CEP350: variants seen among roughly 807,000 people sequenced by gnomAD.
CEP350 encodes centrosomal protein 350.
CEP350 carries 126 observed loss-of-function variants against 331.8 expected under a neutral mutation model. The observed-to-expected ratio is 0.38, with a 90% CI of 0.33 to 0.44. The LOEUF (loss-of-function observed/expected upper bound fraction) is 0.44, where lower values mean the gene tolerates loss of function less well. Among genes scored for constraint, CEP350 ranks in the 20% least tolerant of loss-of-function variants. CEP350 has a pLI of 1.00. For synonymous variants in CEP350, 1,200 were observed against 1,259.5 expected, an observed-to-expected ratio of 0.95 and a Z score of 1.00; for missense variants, 3,406 against 3,634.6, an observed-to-expected ratio of 0.94 and a Z score of 1.62.
chr1:180,015,624 A>G (rs73032397), intron 10 of CEP350, among the ~76,000 whole-genome samples: 21,426 of 151,896 alleles, frequency 0.14, 1,600 homozygotes, highest in African/African-American at 0.17. Context: ...TCCCACTTTG[A>G]CCTCTCAAAG....
In CEP350 at chr1:180,024,450, A is replaced by T; in HGVS notation, c.3418A>T (p.Asn1140Tyr). The T allele has an allele frequency of 6.2e-7, 1 of 1,612,734 alleles. No individual in the cohort carries two copies. Among genetic ancestry groups the T allele is most frequent in the Non-Finnish European group, 8.5e-7 (1 of 1,179,292 alleles). Residue 1140 changes from asparagine (N) to tyrosine (Y), a missense_variant, in exon 14 of 38, where the codon AAC becomes TAC. By Grantham distance (143) the Asn-to-Tyr change is moderately radical (BLOSUM62 -2). Around this residue, in one of 5 missense-constraint regions of CEP350, gnomAD observed 1,857 missense variants for 1,909.2 expected, o/e 0.97. Transcript: ENST00000367607. Reference protein sequence around the residue: ...STLSPQEDHSNRKSAYDPSSV... With the variant: ...STLSPQEDHSYRKSAYDPSSV... ...TTTAAGCCCTCAGGAGGACCATTCT[A>T]ACAGAAAGTCTGCCTATGATCCTTC...
intron 14 of CEP350, among the ~76,000 whole-genome samples, chr1:180,029,332 T>C (rs1007755738): frequency 3.3e-5 from 5 of 152,220 alleles, no homozygotes; most frequent in African/African-American, 9.6e-5. Flanking sequence ...TGTGTATTTA[T>C]TGTCAACAAA....
At chr1:179,974,371 T>G (rs925091389) in intron 1 of CEP350, among the ~76,000 whole-genome samples, 6 of 152,174 alleles carry the variant, frequency 3.9e-5, no homozygotes, top group African/African-American at 1.4e-4. Flanking sequence ...TGAGCCACTG[T>G]GCCTGGCCTA....
intron 1 of CEP350, among the ~76,000 whole-genome samples, chr1:179,981,256 CA>C (rs1315807145): frequency 2.6e-5 from 4 of 152,064 alleles, no homozygotes; most frequent in Admixed American, 2.0e-4. Flanking sequence ...AGATAATACA[CA>C]AATGTCCAAC....
intron 13 of CEP350, among the ~76,000 whole-genome samples, chr1:180,023,479 C>T (rs1045795314): frequency 6.6e-6 from 1 of 151,968 alleles, no homozygotes; most frequent in Non-Finnish European, 1.5e-5. Context: ...CTCCATGGTT[C>T]CAAGTAATAA....
At chr1:180,009,889 C>T (rs1282708117) in intron 8 of CEP350, among the ~76,000 whole-genome samples, 3 of 151,928 alleles carry the variant, frequency 2.0e-5, no homozygotes, top group African/African-American at 7.3e-5. Flanking sequence ...ATGATACTTC[C>T]GTTTAAACTT....
chr1:179,961,158 C>T (rs1483085673), intron 1 of CEP350, among the ~76,000 whole-genome samples: 2 of 151,914 alleles, frequency 1.3e-5, no homozygotes, highest in Non-Finnish European at 2.9e-5. Context: ...CTTTAAACAG[C>T]CTCATGGCCA....
Position 180,031,295 on chromosome 1 carries a change from G to A in CEP350, c.3551-25G>A, listed in dbSNP as rs1571894140. ...CAATAACTTCTAATATTGGGAATCAGCTTTATAAGAAATTTACTTTACAGG... is the reference window on the plus strand; with the variant it reads ...CAATAACTTCTAATATTGGGAATCAACTTTATAAGAAATTTACTTTACAGG... On this transcript the variant is annotated intron_variant, in intron 14 of 37. Coordinates refer to ENST00000367607, the MANE Select transcript of CEP350 (RefSeq NM_014810.5). 3 of 1,459,664 alleles carry A rather than the reference G, an allele frequency of 2.1e-6. No individual in the cohort carries two copies. The East Asian group carries it at 7.2e-5, about 35-fold the overall frequency. 90.4% of individuals were successfully genotyped at this position (1,459,664 alleles called of 1,614,324 possible). A position where few individuals can be genotyped will look rare whatever the true frequency, so the allele number is the denominator to read the frequency against.
rs748836655 is a variant in CEP350 at position 180,020,923 on chromosome 1, G to A, written c.3149G>A (p.Ser1050Asn). The A allele has an allele frequency of 6.2e-7, 1 of 1,609,206 alleles. No individual in the cohort carries two copies. Among genetic ancestry groups the A allele is most frequent in the South Asian group, 1.1e-5 (1 of 90,378 alleles). Residue 1050 changes from serine (S) to asparagine (N), a missense_variant, in exon 12 of 38, where the codon AGC becomes AAC. Coordinates refer to ENST00000367607, the MANE Select transcript of CEP350 (RefSeq NM_014810.5). ...TTTGGGCACATAGGTGGTACACAAA[G>A]CAAAGGACCATGGGAAGAATTGGCA... is the stretch of plus-strand genomic sequence containing the variant. ...PLFGHIGGTQ[S>N]KGPWEELAKG...
intron 29 of CEP350, 61 bp downstream of exon 29, chr1:180,078,735 A>G (rs1571967358): frequency 2.9e-6 from 4 of 1,380,002 alleles, no homozygotes; most frequent in Non-Finnish European, 3.0e-6. Context: ...AAGGTATGTT[A>G]GCAGTTATAT....
chr1:180,107,650 A>C (rs575009748), intron 37 of CEP350, among the ~76,000 whole-genome samples: 4 of 152,356 alleles, frequency 2.6e-5, no homozygotes, highest in Non-Finnish European at 4.4e-5. Context: ...CCTGGGTGAC[A>C]GAGCGAGACT....
chr1:179,973,263 C>G (rs1386591837), intron 1 of CEP350, among the ~76,000 whole-genome samples: 1 of 152,230 alleles, frequency 6.6e-6, no homozygotes, highest in Non-Finnish European at 1.5e-5. Context: ...TGCAAATAAT[C>G]TATGTACATC....
chr1:180,044,848 AAG>A (rs929254296), intron 21 of CEP350, among the ~76,000 whole-genome samples: 1 of 151,652 alleles, frequency 6.6e-6, no homozygotes, highest in African/African-American at 2.4e-5. Context: ...TTTAAAAAAA[AAG>A]AATAATTAAA....
At chr1:179,969,329 G>C (rs1651257874) in intron 1 of CEP350, 2 of 509,306 alleles carry the variant, frequency 3.9e-6, no homozygotes, top group Admixed American at 2.0e-5. Context: ...TGAATGGACT[G>C]TGTCAGCTCT....
intron 22 of CEP350, among the ~76,000 whole-genome samples, chr1:180,049,785 G>A (rs1298021953): frequency 1.3e-5 from 2 of 152,044 alleles, no homozygotes; most frequent in East Asian, 1.9e-4. Flanking sequence ...CTCGTGATCC[G>A]CCTGCCTTGG....
At chr1:180,102,897 C>T (rs528553963) in intron 37 of CEP350, among the ~76,000 whole-genome samples, 38 of 152,314 alleles carry the variant, frequency 2.5e-4, no homozygotes, top group African/African-American at 8.7e-4. Context: ...ACCCAGGGTT[C>T]GTCGTCTCGA....
At chr1:179,988,789 T>C (rs1156420647) in intron 3 of CEP350, among the ~76,000 whole-genome samples, 2 of 152,188 alleles carry the variant, frequency 1.3e-5, no homozygotes, top group Non-Finnish European at 2.9e-5. Context: ...AGTGATATTT[T>C]CTGTCCTCTA....
chr1:180,049,226 G>A (rs952081705), intron 22 of CEP350, among the ~76,000 whole-genome samples: 2 of 152,092 alleles, frequency 1.3e-5, no homozygotes, highest in African/African-American at 4.8e-5. Flanking sequence ...CAATAATATA[G>A]TGTTTCTAAT....
At chr1:180,099,617 C>T (rs1241646824) in intron 37 of CEP350, among the ~76,000 whole-genome samples, 2 of 151,806 alleles carry the variant, frequency 1.3e-5, no homozygotes, top group Non-Finnish European at 1.5e-5. Flanking sequence ...AATTCTGGAC[C>T]TTTTATCTAT....
Sources: allele counts gnomAD v4.1 joint callset (sites outside exome capture counted in the v4.1 genomes callset), GRCh38; gene constraint gnomAD v4.1.1; regional missense constraint gnomAD v4.1.1; transcripts MANE v1.5; gene names NCBI Gene and HGNC (gene_info 2026-07-23, HGNC 2026-07-21).